The following FRMD4A variants were observed in gnomAD, a reference collection of about 807,000 sequenced individuals.
FRMD4A encodes FERM domain-containing protein 4A.
FRMD4A carries 29 observed loss-of-function variants against 129.1 expected under a neutral mutation model. That is an observed-to-expected ratio of 0.22 (90% CI 0.17 to 0.31). FRMD4A has a LOEUF of 0.31. FRMD4A is among the 10% of genes least tolerant of loss of function. The pLI is 1.00. For missense variants in FRMD4A, 1,272 were observed against 1,375.8 expected, an observed-to-expected ratio of 0.92 and a Z score of 1.19; for synonymous variants, 634 against 571.6, an observed-to-expected ratio of 1.11 and a Z score of -1.56.
At chr10:13,866,630 A>C (rs1460555318) in intron 2 of FRMD4A, among the ~76,000 whole-genome samples, 1 of 152,222 alleles carries the variant, frequency 6.6e-6, no homozygotes, top group African/African-American at 2.4e-5. Context: ...CAAGAAATTT[A>C]CGGGAAATAC....
intron 2 of FRMD4A, among the ~76,000 whole-genome samples, chr10:14,168,649 A>T (rs865907175): frequency 4.6e-5 from 7 of 152,344 alleles, no homozygotes; most frequent in Middle Eastern, 3.4e-3. Context: ...ACTTCTTCAC[A>T]TATTCATTCA....
chr10:13,735,214 T>C (rs1305190581), intron 12 of FRMD4A, among the ~76,000 whole-genome samples: 1 of 152,236 alleles, frequency 6.6e-6, no homozygotes, highest in East Asian at 1.9e-4. Context: ...GTGATGGCTG[T>C]GACAGATTGG....
rs139950773 is a variant in FRMD4A, at chr10:14,113,753, T to G, written c.45+216305A>C. Among the ~76,000 whole-genome samples the G allele has an allele frequency of 2.2e-3, 328 of 152,312 alleles. 5 individuals carry two copies. In the South Asian group the frequency reaches 0.035, roughly 16 times the overall value. ...GGTCAAAGGCTATTGTAAAGCCCTA[T>G]TTGGAAATGCATGAGTGTGCGCGCG... On this transcript the variant is annotated intron_variant, in intron 2 of 24. Coordinates refer to ENST00000357447, the MANE Select transcript of FRMD4A (RefSeq NM_018027.5).
chr10:14,192,099 TTGG>T (rs772556614), intron 2 of FRMD4A, among the ~76,000 whole-genome samples: 35 of 152,206 alleles, frequency 2.3e-4, no homozygotes, highest in Non-Finnish European at 4.6e-4. Context: ...AGCTACCTCC[TTGG>T]TGGTTTTTAT....
Position 13,676,317 on chromosome 10 carries a change from A to G in FRMD4A, c.1118-1273T>C, listed in dbSNP as rs2083985051. On this transcript the variant is annotated intron_variant, in intron 15 of 24. Transcript: ENST00000357447. ...ACTCTTGTTGCCCAGGCTGGAGTGC[A>G]GTGGCACCATCTCGGCTCACTGCAA... 2.6e-5 allele frequency among the ~76,000 whole-genome samples: 4 copies of G among 151,562 alleles called. No individual in the cohort carries two copies. In the South Asian group the frequency reaches 8.3e-4, roughly 32 times the overall value.
At chr10:13,779,297 CAG>C (rs2092680433) in intron 6 of FRMD4A, among the ~76,000 whole-genome samples, 1 of 147,716 alleles carries the variant, frequency 6.8e-6, no homozygotes, top group Non-Finnish European at 1.5e-5. Context: ...GCCTGGGCTA[CAG>C]AGTGAGACTC....
intron 3 of FRMD4A, among the ~76,000 whole-genome samples, chr10:13,836,987 G>C (rs900502518): frequency 1.3e-5 from 2 of 152,114 alleles, no homozygotes; most frequent in Non-Finnish European, 2.9e-5. Flanking sequence ...TCGAGCTCCT[G>C]ACCTCATGAT....
chr10:14,042,924 C>CAAAAAAAAA (rs57492155), intron 2 of FRMD4A, among the ~76,000 whole-genome samples: 3 of 62,842 alleles, frequency 4.8e-5, no homozygotes, highest in South Asian at 7.8e-4. Flanking sequence ...GACTCCATCT[C>CAAAAAAAAA]AAAAAAAAAA....
At chr10:13,690,831 G>GTA (rs112849939) in intron 15 of FRMD4A, among the ~76,000 whole-genome samples, 3,509 of 152,280 alleles carry the variant, frequency 0.023, 122 homozygotes, top group African/African-American at 0.08. Flanking sequence ...CATTGTATTG[G>GTA]TATACCGATG....
chr10:13,809,270 A>T (rs1049962715), intron 4 of FRMD4A, among the ~76,000 whole-genome samples: 6 of 152,228 alleles, frequency 3.9e-5, no homozygotes, highest in Admixed American at 3.3e-4. Flanking sequence ...TCGTTTTTCA[A>T]TTCTTGTTTA....
chr10:13,678,015 G>A (rs2134744243), intron 15 of FRMD4A, among the ~76,000 whole-genome samples: 1 of 152,272 alleles, frequency 6.6e-6, no homozygotes, highest in South Asian at 2.1e-4. Flanking sequence ...ACTGTGTTCT[G>A]GAATGGCACA....
At chr10:14,164,718 C>A (rs1841084826) in intron 2 of FRMD4A, among the ~76,000 whole-genome samples, 1 of 152,146 alleles carries the variant, frequency 6.6e-6, no homozygotes, top group African/African-American at 2.4e-5. Flanking sequence ...CCTCTTGGAG[C>A]CATGGTTTTG....
chr10:13,793,436 TAC>T (rs2130816018), intron 5 of FRMD4A, among the ~76,000 whole-genome samples: 1 of 152,302 alleles, frequency 6.6e-6, no homozygotes, highest in African/African-American at 2.4e-5. Flanking sequence ...CCTCCGAAAG[TAC>T]AGGCATGAAC....
At position 13,645,150 on chromosome 10, in the gene FRMD4A, T is replaced by C. The variant is rs573004251; in HGVS notation, c.*1888A>G. The C allele has an allele frequency of 2.0e-5, 3 of 152,272 alleles. No homozygotes were observed. Among genetic ancestry groups the C allele is most frequent in the African/African-American group, 7.2e-5 (3 of 41,550 alleles). 9.4% of individuals were successfully genotyped at this position (152,272 alleles called of 1,614,324 possible). On this transcript the variant is annotated 3_prime_UTR_variant, in exon 25 of 25. Transcript: ENST00000357447. ...AGGAATACCTTGGTATTTGTTTCATTTTAGTGTCCATCCTTACCCTTCTGG... is the reference window on the plus strand; with the variant it reads ...AGGAATACCTTGGTATTTGTTTCATCTTAGTGTCCATCCTTACCCTTCTGG...
chr10:14,068,785 G>A (rs1374872509), intron 2 of FRMD4A, among the ~76,000 whole-genome samples: 1 of 152,060 alleles, frequency 6.6e-6, no homozygotes, highest in Non-Finnish European at 1.5e-5. Flanking sequence ...GTAGTTTCCT[G>A]TTTGTTTGTT....
At chr10:14,180,405 T>A (rs753905903) in intron 2 of FRMD4A, among the ~76,000 whole-genome samples, 1 of 152,206 alleles carries the variant, frequency 6.6e-6, no homozygotes, top group Non-Finnish European at 1.5e-5. Context: ...GATAGAAGGC[T>A]AGCAAAGGCG....
chr10:13,985,096 C>T (rs1034928541), intron 2 of FRMD4A, among the ~76,000 whole-genome samples: 2 of 152,262 alleles, frequency 1.3e-5, no homozygotes, highest in African/African-American at 4.8e-5. Context: ...TCAGGTAACC[C>T]TGTGCTCCTT....
chr10:14,127,651 CT>C (rs1370256087), intron 2 of FRMD4A, among the ~76,000 whole-genome samples: 2 of 152,246 alleles, frequency 1.3e-5, no homozygotes, highest in East Asian at 3.9e-4. Flanking sequence ...GAATGGCTAT[CT>C]TTTTTGCCTT....
At chr10:13,916,229 G>A (rs1473937394) in intron 2 of FRMD4A, among the ~76,000 whole-genome samples, 4 of 152,250 alleles carry the variant, frequency 2.6e-5, no homozygotes, top group East Asian at 1.9e-4. Flanking sequence ...AGGGAGCCCC[G>A]CTCAGCTCCA....
Sources: allele counts gnomAD v4.1 joint callset (sites outside exome capture counted in the v4.1 genomes callset), GRCh38; gene constraint gnomAD v4.1.1; transcripts MANE v1.5; gene names NCBI Gene and HGNC (gene_info 2026-07-23, HGNC 2026-07-21).